Variants in FBXO36 observed in about 807,000 individuals in gnomAD.
FBXO36 encodes F-box only protein 36.
In FBXO36, 18 loss-of-function variants were observed where a neutral mutation model predicts 17.0. The observed-to-expected ratio is 1.06, with a 90% CI of 0.73 to 1.57. The LOEUF (loss-of-function observed/expected upper bound fraction) is 1.57. Among genes scored for constraint, FBXO36 ranks in the 40% most tolerant of loss-of-function variants. The probability of loss-of-function intolerance (pLI) is 0.00; values close to 1 mark genes in which losing one functional copy is unlikely to be tolerated. For synonymous variants in FBXO36, 83 were observed against 85.3 expected (o/e 0.97, Z 0.15); for missense variants, 229 against 221.9 (o/e 1.03, Z -0.20).
rs182443070 is a variant in FBXO36, at chr2:229,977,699, C to T, written c.205+1350C>T. On this transcript the variant is annotated intron_variant, in intron 2 of 3. Coordinates refer to ENST00000283946, the MANE Select transcript of FBXO36 (RefSeq NM_174899.5). ...TCCTGACCTCAGGTGATCCACCTGC[C>T]TCAGCCTCCCAGAGTGCTGGAATTA... is the stretch of plus-strand genomic sequence containing the variant. 6.3e-3 allele frequency among the ~76,000 whole-genome samples: 957 copies of T among 151,970 alleles called. 8 individuals carry two copies. Among genetic ancestry groups the T allele is most frequent in the Middle Eastern group, 0.014 (4 of 290 alleles).
rs191318957 is a variant in FBXO36 at position 229,931,668 on chromosome 2, G to A, written c.96+9059G>A. Reference sequence around the variant, plus strand: ...AGCCTGGCCAGCATGGTGAAACCCCGTCTCTACTAAAAATACAAAAATGAG... The same window carrying A: ...AGCCTGGCCAGCATGGTGAAACCCCATCTCTACTAAAAATACAAAAATGAG... On this transcript the variant is annotated intron_variant, in intron 1 of 3. Coordinates refer to ENST00000283946, the MANE Select transcript of FBXO36 (RefSeq NM_174899.5). 3.1e-3 allele frequency among the ~76,000 whole-genome samples: 473 copies of A among 152,002 alleles called. 4 individuals are homozygous for A. Among genetic ancestry groups the A allele is most frequent in the African/African-American group, 9.8e-3 (407 of 41,446 alleles).
chr2:229,975,597 C>T (rs956141439), intron 1 of FBXO36, among the ~76,000 whole-genome samples: 1 of 151,286 alleles, frequency 6.6e-6, no homozygotes, highest in African/African-American at 2.4e-5. Flanking sequence ...ACCTCAGCCT[C>T]ACAAGTAGTG....
At chr2:229,934,793 T>C (rs934079956) in intron 1 of FBXO36, among the ~76,000 whole-genome samples, 1 of 152,164 alleles carries the variant, frequency 6.6e-6, no homozygotes. Flanking sequence ...TAGCTGGGAT[T>C]ACAGGCACTT....
intron 1 of FBXO36, among the ~76,000 whole-genome samples, chr2:229,973,788 T>TATA (rs1205936021): frequency 6.6e-6 from 1 of 151,118 alleles, no homozygotes; most frequent in Non-Finnish European, 1.5e-5. Context: ...GGCTCATGAC[T>TATA]ATAATCCCAG....
chr2:229,980,175 C>T (rs2077230792), intron 2 of FBXO36, among the ~76,000 whole-genome samples: 1 of 152,074 alleles, frequency 6.6e-6, no homozygotes, highest in African/African-American at 2.4e-5. Context: ...AGAGCCCCCG[C>T]CCCTGCCCCT....
intron 1 of FBXO36, among the ~76,000 whole-genome samples, chr2:229,975,621 ACAC>A (rs1339130727): frequency 6.6e-6 from 1 of 151,208 alleles, no homozygotes; most frequent in Non-Finnish European, 1.5e-5. Flanking sequence ...ACTACAGAGC[ACAC>A]CACAATGCCC....
At chr2:229,934,344 T>C (rs2106156329) in intron 1 of FBXO36, among the ~76,000 whole-genome samples, 1 of 152,166 alleles carries the variant, frequency 6.6e-6, no homozygotes, top group Non-Finnish European at 1.5e-5. Flanking sequence ...GAGCTTGCAG[T>C]GAGCCGAGAT....
At chr2:230,000,614 G>A (rs886732774) in intron 3 of FBXO36, among the ~76,000 whole-genome samples, 1 of 151,860 alleles carries the variant, frequency 6.6e-6, no homozygotes, top group Non-Finnish European at 1.5e-5. Context: ...CACGCTGAGC[G>A]GCTGCCTTCT....
Position 230,010,728 on chromosome 2 carries a change from A to G in FBXO36, c.411A>G (p.Ile137Met). 6.2e-7 allele frequency: 1 copy of G among 1,613,526 alleles called. No individual in the cohort carries two copies. Among genetic ancestry groups the G allele is most frequent in the South Asian group, 1.1e-5 (1 of 91,058 alleles). The stretch of plus-strand genomic sequence containing the variant: ...TGTCTGATAAACTGTGGGAACAGAT[A>G]GTCCAGTCGACCTGCGACACCATCA... The part of the protein sequence containing the change: ...LCMSDKLWEQ[I>M]VQSTCDTITP... Residue 137 changes from isoleucine to methionine, a missense_variant, in exon 4 of 4, where the codon ATA becomes ATG. Physicochemically the swap from Ile to Met is conservative, Grantham distance 10 (BLOSUM62 1). Transcript: ENST00000283946.
At chr2:229,970,642 A>G (rs1459081170) in intron 1 of FBXO36, among the ~76,000 whole-genome samples, 11 of 152,186 alleles carry the variant, frequency 7.2e-5, no homozygotes, top group Admixed American at 6.6e-4. Flanking sequence ...ACAGAGGACA[A>G]TATTCCGTGT....
chr2:229,971,372 A>G (rs968638566), intron 1 of FBXO36, among the ~76,000 whole-genome samples: 4 of 151,914 alleles, frequency 2.6e-5, no homozygotes, highest in Non-Finnish European at 5.9e-5. Context: ...AAAAAAAAAA[A>G]AAGAACAAAC....
At chr2:229,951,597 A>T (rs1041034942) in intron 1 of FBXO36, among the ~76,000 whole-genome samples, 1 of 152,214 alleles carries the variant, frequency 6.6e-6, no homozygotes, top group Non-Finnish European at 1.5e-5. Flanking sequence ...TATGATGCTT[A>T]CTCAGGTAGA....
At chr2:229,986,316 T>C (rs1420125930) in intron 2 of FBXO36, among the ~76,000 whole-genome samples, 1 of 151,912 alleles carries the variant, frequency 6.6e-6, no homozygotes, top group East Asian at 1.9e-4. Flanking sequence ...GTCTGGGCAA[T>C]GTGATGAAAC....
chr2:229,967,587 AG>A (rs1216202553), intron 1 of FBXO36, among the ~76,000 whole-genome samples: 3 of 152,182 alleles, frequency 2.0e-5, no homozygotes, highest in African/African-American at 7.2e-5. Flanking sequence ...TTTAGCATGA[AG>A]GGCTGTTGAA....
At chr2:229,953,425 C>T (rs1418137103) in intron 1 of FBXO36, among the ~76,000 whole-genome samples, 1 of 151,832 alleles carries the variant, frequency 6.6e-6, no homozygotes. Flanking sequence ...CCTGTAATCT[C>T]AGAACCTTGG....
intron 2 of FBXO36, among the ~76,000 whole-genome samples, chr2:229,983,693 C>T (rs1278875098): frequency 1.3e-5 from 2 of 152,220 alleles, no homozygotes; most frequent in Non-Finnish European, 2.9e-5. Context: ...GAACTGTTAG[C>T]ATGTGAATAA....
intron 3 of FBXO36, among the ~76,000 whole-genome samples, chr2:230,007,734 C>A (rs1472707459): frequency 6.6e-6 from 1 of 152,054 alleles, no homozygotes; most frequent in Non-Finnish European, 1.5e-5. Context: ...GTAGCTGGGA[C>A]TACAGGCGCA....
intron 2 of FBXO36, among the ~76,000 whole-genome samples, chr2:229,987,199 G>A (rs2077272801): frequency 1.4e-5 from 2 of 145,702 alleles, no homozygotes; most frequent in Admixed American, 6.9e-5. Context: ...GCAACAGAGC[G>A]AGACTCCATC....
At chr2:229,947,897 A>G (rs2077035730) in intron 1 of FBXO36, among the ~76,000 whole-genome samples, 1 of 152,336 alleles carries the variant, frequency 6.6e-6, no homozygotes, top group South Asian at 2.1e-4. Flanking sequence ...ATTTAGTAGG[A>G]TTCAACATCA....
Sources: gnomAD v4.1 joint callset for allele counts (sites outside exome capture counted in the v4.1 genomes callset) on GRCh38, gnomAD v4.1.1 for gene constraint, MANE v1.5 for transcripts, NCBI Gene and HGNC (gene_info 2026-07-23, HGNC 2026-07-21) for gene names.